Variants in AKAP7 observed in about 807,000 individuals in gnomAD.
AKAP7 encodes A-kinase anchoring protein 7, also known as A kinase (PRKA) anchor protein 7.
A neutral mutation model predicts 39.5 loss-of-function variants in AKAP7; 39 were observed. That is an observed-to-expected ratio of 0.99 (90% CI 0.76 to 1.29). The LOEUF (loss-of-function observed/expected upper bound fraction) is 1.29, where lower values mean the gene tolerates loss of function less well. AKAP7 is among the 50% of genes most tolerant of loss of function. AKAP7 has a pLI of 0.00. For synonymous variants in AKAP7, 140 were observed against 139.1 expected (o/e 1.01, Z -0.05); for missense variants, 414 against 407.7 (o/e 1.02, Z -0.13).
chr6:131,256,176 G>A (rs1248409749), intron 7 of AKAP7, among the ~76,000 whole-genome samples: 3 of 152,214 alleles, frequency 2.0e-5, no homozygotes, highest in Admixed American at 2.0e-4. Context: ...TGTGTAACCT[G>A]AGACTACATT....
At chr6:131,153,533 A>AT (rs907047943) in intron 2 of AKAP7, among the ~76,000 whole-genome samples, 107 of 148,358 alleles carry the variant, frequency 7.2e-4, no homozygotes, top group South Asian at 2.4e-3. Context: ...AGAGATTATG[A>AT]TTTTTTTTTT....
intron 6 of AKAP7, among the ~76,000 whole-genome samples, chr6:131,201,322 G>A (rs1484955610): frequency 5.9e-5 from 9 of 152,170 alleles, no homozygotes; most frequent in African/African-American, 1.9e-4. Context: ...GACACTGGGT[G>A]CTGGGCACAG....
intron 6 of AKAP7, among the ~76,000 whole-genome samples, chr6:131,203,170 G>T (rs1807767326): frequency 1.3e-5 from 2 of 152,160 alleles, no homozygotes; most frequent in East Asian, 3.8e-4. Context: ...CATACAAGAT[G>T]ATTTCATTTA....
In AKAP7 at chr6:131,254,193, C is replaced by G. The variant is rs371626889; in HGVS notation, c.851-27337C>G. Among the ~76,000 whole-genome samples, 6 of 152,200 alleles carry G rather than the reference C, an allele frequency of 3.9e-5. No individual in the cohort carries two copies. The East Asian group carries it at 5.8e-4, about 15-fold the overall frequency. The stretch of plus-strand genomic sequence containing the variant: ...AATTCATGTTTCTTGGAAGATTAGG[C>G]TCTTTCTCTTGCTCTACGGGAACAT... On this transcript the variant is annotated intron_variant, in intron 7 of 7. Coordinates refer to ENST00000431975, the MANE Select transcript of AKAP7 (RefSeq NM_016377.4).
At chr6:131,276,598 C>T (rs762527374) in intron 7 of AKAP7, among the ~76,000 whole-genome samples, 1 of 151,672 alleles carries the variant, frequency 6.6e-6, no homozygotes, top group Non-Finnish European at 1.5e-5. Flanking sequence ...CCTTATGCAT[C>T]GGGAACAGGA....
At chr6:131,157,548 G>A (rs1276123973) in intron 2 of AKAP7, among the ~76,000 whole-genome samples, 1 of 152,096 alleles carries the variant, frequency 6.6e-6, no homozygotes, top group Non-Finnish European at 1.5e-5. Context: ...GTTAGATGTA[G>A]GACCTTTTCT....
intron 3 of AKAP7, among the ~76,000 whole-genome samples, chr6:131,162,929 T>G (rs1281874911): frequency 5.3e-5 from 8 of 152,186 alleles, no homozygotes; most frequent in African/African-American, 1.9e-4. Flanking sequence ...CCTCACAAGG[T>G]TTTTAGTGCA....
intron 7 of AKAP7, among the ~76,000 whole-genome samples, chr6:131,254,570 T>C (rs1812699222): frequency 6.6e-6 from 1 of 152,252 alleles, no homozygotes; most frequent in Admixed American, 6.5e-5. Flanking sequence ...ACTGCTTTTA[T>C]GTAGAATTAA....
intron 6 of AKAP7, among the ~76,000 whole-genome samples, chr6:131,214,318 T>G (rs1326256140): frequency 2.0e-5 from 3 of 152,158 alleles, no homozygotes; most frequent in African/African-American, 7.2e-5. Flanking sequence ...TAGGGTAGAG[T>G]TTCTGCTTTT....
At chr6:131,245,822 CTCTT>C (rs1179274574) in intron 7 of AKAP7, among the ~76,000 whole-genome samples, 2 of 151,988 alleles carry the variant, frequency 1.3e-5, no homozygotes, top group Non-Finnish European at 2.9e-5. Context: ...AGTGGTTTTT[CTCTT>C]TCTTTATGCT....
intron 5 of AKAP7, chr6:131,185,134 C>CT: frequency 1.6e-6 from 1 of 610,182 alleles, no homozygotes; most frequent in Non-Finnish European, 3.2e-6. Flanking sequence ...AACAGAACCT[C>CT]TAAACTGCTG....
At chr6:131,206,680 CCTAA>C (rs1243742232) in intron 6 of AKAP7, among the ~76,000 whole-genome samples, 3 of 152,170 alleles carry the variant, frequency 2.0e-5, no homozygotes, top group African/African-American at 7.2e-5. Flanking sequence ...TGCATCCCTC[CCTAA>C]CTGTGAGCCC....
intron 1 of AKAP7, chr6:131,136,893 C>T: frequency 2.2e-5 from 22 of 983,644 alleles, no homozygotes; most frequent in Non-Finnish European, 2.5e-5. Flanking sequence ...AGAATGGATG[C>T]CCTTAGCCCT....
At chr6:131,254,982 G>A (rs1352759210) in intron 7 of AKAP7, among the ~76,000 whole-genome samples, 4 of 152,020 alleles carry the variant, frequency 2.6e-5, no homozygotes, top group Non-Finnish European at 5.9e-5. Context: ...TTAATGTCTG[G>A]TGAATACATA....
At chr6:131,209,368 A>C (rs1808433594) in intron 6 of AKAP7, among the ~76,000 whole-genome samples, 1 of 152,016 alleles carries the variant, frequency 6.6e-6, no homozygotes, top group African/African-American at 2.4e-5. Context: ...CTCCTGCCTC[A>C]GCCTCCTGAA....
the AKAP7 span, among the ~76,000 whole-genome samples, chr6:131,129,014 C>T: frequency 5.9e-5 from 9 of 151,590 alleles, no homozygotes; most frequent in Admixed American, 1.3e-4. Flanking sequence ...GAGCTGGGTG[C>T]GGTGGCTCAC....
intron 7 of AKAP7, among the ~76,000 whole-genome samples, chr6:131,224,765 A>G: frequency 9.4e-6 from 1 of 106,622 alleles, no homozygotes; most frequent in South Asian, 2.9e-4. Context: ...TTTTTGAGAC[A>G]GAGTCTTGCT....
At chr6:131,149,915 T>C (rs933273815) in intron 2 of AKAP7, among the ~76,000 whole-genome samples, 2 of 152,210 alleles carry the variant, frequency 1.3e-5, no homozygotes, top group African/African-American at 4.8e-5. Flanking sequence ...ACAGTGTGAC[T>C]TTGTGGAGAG....
At chr6:131,131,219 T>C (rs372583570), upstream of AKAP7, among the ~76,000 whole-genome samples, 1 of 152,192 alleles carries the variant, frequency 6.6e-6, no homozygotes, top group East Asian at 1.9e-4. Context: ...TTCTAAGACT[T>C]GGGCAGTTGG....
Sources: allele counts gnomAD v4.1 joint callset (sites outside exome capture counted in the v4.1 genomes callset), GRCh38; gene constraint gnomAD v4.1.1; transcripts MANE v1.5; gene names NCBI Gene and HGNC (gene_info 2026-07-23, HGNC 2026-07-21).